Variants in ABCA12 observed in about 807,000 individuals in gnomAD.
ABCA12 encodes glucosylceramide transporter ABCA12.
Under a neutral mutation model 293.5 loss-of-function variants are expected in ABCA12, and 156 were observed. The ratio of observed to expected loss-of-function variants is 0.53; its 90% CI spans 0.47 to 0.61. The LOEUF (loss-of-function observed/expected upper bound fraction) is 0.61. Among genes scored for constraint, ABCA12 ranks in the 20% least tolerant of loss-of-function variants. The pLI, the probability that ABCA12 is intolerant of heterozygous loss-of-function variation, is 0.00. For synonymous variants in ABCA12, 1,063 were observed against 1,108.0 expected, an observed-to-expected ratio of 0.96 and a Z score of 0.81; for missense variants, 2,797 against 3,090.2, an observed-to-expected ratio of 0.91 and a Z score of 2.25.
At chr2:215,035,759 T>C (rs1339721616) in intron 8 of ABCA12, 1 of 151,938 alleles carries the variant, frequency 6.6e-6, no homozygotes, top group Non-Finnish European at 1.5e-5. Context: ...CTGAATTACA[T>C]TTTTCACCAG....
chr2:215,065,920 C>A (rs532160341), intron 2 of ABCA12, among the ~76,000 whole-genome samples: 22 of 152,144 alleles, frequency 1.4e-4, no homozygotes, highest in Admixed American at 1.2e-3. Flanking sequence ...TGAAGCCCAC[C>A]AAACTATTCA....
At chr2:214,970,970 A>G (rs1184979069) in intron 36 of ABCA12, among the ~76,000 whole-genome samples, 1 of 152,142 alleles carries the variant, frequency 6.6e-6, no homozygotes, top group Non-Finnish European at 1.5e-5. Flanking sequence ...TTTTAGATTT[A>G]CAGAAAAGTC....
intron 11 of ABCA12, among the ~76,000 whole-genome samples, chr2:215,020,417 G>A (rs898520385): frequency 6.6e-6 from 1 of 152,036 alleles, no homozygotes; most frequent in Admixed American, 6.6e-5. Context: ...AGCCAGTCTC[G>A]AAAATGAAAG....
intron 50 of ABCA12, among the ~76,000 whole-genome samples, chr2:214,942,360 G>A (rs1698433708): frequency 6.6e-6 from 1 of 152,106 alleles, no homozygotes. Flanking sequence ...ATATTCTGAA[G>A]TTTGGAGATT....
intron 13 of ABCA12, among the ~76,000 whole-genome samples, chr2:215,019,019 ATTTCATTGTTGCCCT>A (rs1181276378): frequency 6.6e-6 from 1 of 152,226 alleles, no homozygotes; most frequent in Non-Finnish European, 1.5e-5. Flanking sequence ...AAGCAAGTAA[ATTTCATTGTTGCCCT>A]TGCAGCTGAC....
intron 33 of ABCA12, among the ~76,000 whole-genome samples, chr2:214,976,793 A>AT (rs1190211228): frequency 6.6e-6 from 1 of 152,196 alleles, no homozygotes; most frequent in Admixed American, 6.5e-5. Flanking sequence ...CAGAGCAGCT[A>AT]TAGAGGCCAT....
intron 1 of ABCA12, among the ~76,000 whole-genome samples, chr2:215,134,242 GTGTATATA>G (rs1377069925): frequency 2.0e-5 from 3 of 147,870 alleles, no homozygotes; most frequent in Non-Finnish European, 4.5e-5. Flanking sequence ...ATATGTATAT[GTGTATATA>G]TGTATATATG....
chr2:215,137,501 T>C (rs1703255178), intron 1 of ABCA12, among the ~76,000 whole-genome samples: 1 of 152,198 alleles, frequency 6.6e-6, no homozygotes, highest in Non-Finnish European at 1.5e-5. Context: ...CAAACATTAA[T>C]GTAAGAGTAC....
chr2:214,961,816 G>A (rs1699120695), intron 39 of ABCA12: 1 of 152,062 alleles, frequency 6.6e-6, no homozygotes, highest in Admixed American at 6.6e-5. Context: ...ATAGGAAAAT[G>A]CCAAAGCAAT....
intron 39 of ABCA12, among the ~76,000 whole-genome samples, chr2:214,960,853 G>A (rs1382193602): frequency 6.6e-6 from 1 of 152,034 alleles, no homozygotes; most frequent in Non-Finnish European, 1.5e-5. Flanking sequence ...TGTATTTTTT[G>A]AGAAGAAAGA....
intron 1 of ABCA12, among the ~76,000 whole-genome samples, chr2:215,131,199 G>A (rs563867709): frequency 6.6e-6 from 1 of 151,860 alleles, no homozygotes; most frequent in East Asian, 1.9e-4. Flanking sequence ...TTTTGTTGTT[G>A]TTGTGTCCTT....
chr2:215,104,533 G>A lies in ABCA12; in HGVS notation c.163+7064C>T, dbSNP rs78321282. Among the ~76,000 whole-genome samples, 573 of 152,262 alleles carry A rather than the reference G, an allele frequency of 3.8e-3. 4 individuals carry two copies. Among genetic ancestry groups the A allele is most frequent in the African/African-American group, 0.013 (559 of 41,546 alleles). ...CTGTGTGCTTCAGACAGCTCTGCAC[G>A]GGACACTGGAGGAAACAGGGTCCCA... On this transcript the variant is annotated intron_variant, in intron 2 of 52. Transcript: ENST00000272895.
intron 22 of ABCA12, among the ~76,000 whole-genome samples, chr2:215,000,006 G>A (rs1361313310): frequency 1.3e-5 from 2 of 152,194 alleles, no homozygotes; most frequent in African/African-American, 4.8e-5. Flanking sequence ...ATATAGGAAG[G>A]TGAGCTTGAA....
At chr2:215,133,131 T>G (rs1280784977) in intron 1 of ABCA12, among the ~76,000 whole-genome samples, 2 of 150,380 alleles carry the variant, frequency 1.3e-5, no homozygotes, top group African/African-American at 4.9e-5. Flanking sequence ...CTTTGACTCT[T>G]TTCTCTAGCT....
At chr2:215,060,290 A>C (rs529985675) in intron 3 of ABCA12, among the ~76,000 whole-genome samples, 2 of 152,214 alleles carry the variant, frequency 1.3e-5, no homozygotes, top group East Asian at 3.9e-4. Context: ...TTCTGTATCT[A>C]TAGTGACTTG....
rs1700754384 is a variant in ABCA12, at chr2:215,026,805, T to A, written c.1180+15A>T. The A allele has an allele frequency of 5.7e-6, 9 of 1,569,028 alleles. No individual in the cohort carries two copies. The highest frequency in any genetic ancestry group is 7.9e-6 in the Non-Finnish European group (9 of 1,139,366). ...AAACCATGAGCAGCATTTTGACTGT[T>A]AAGAACAGTATTACCTGGTGAACCT... On this transcript the variant is annotated intron_variant, in intron 10 of 52. Coordinates refer to ENST00000272895, the MANE Select transcript of ABCA12 (RefSeq NM_173076.3).
chr2:214,945,784 T>C (rs1698563728), intron 48 of ABCA12, among the ~76,000 whole-genome samples: 1 of 152,158 alleles, frequency 6.6e-6, no homozygotes, highest in Non-Finnish European at 1.5e-5. Flanking sequence ...AAAATATACT[T>C]GTAACAAAGA....
chr2:215,015,673 G>T lies in ABCA12; in HGVS notation c.1783-10C>A, dbSNP rs781473736. The T allele has an allele frequency of 5.6e-6, 9 of 1,612,834 alleles. No homozygotes were observed. The Admixed American group carries it at 1.5e-4, about 27-fold the overall frequency. On this transcript the variant is annotated splice_polypyrimidine_tract_variant and intron_variant, in intron 14 of 52. Coordinates refer to ENST00000272895, the MANE Select transcript of ABCA12 (RefSeq NM_173076.3). ...ACACCTGAGAAATAATCTGCAAATG[G>T]AGGAAGAAAAATATTTCAACTGTGA...
At position 214,958,367 on chromosome 2, in the gene ABCA12, T is replaced by C. The variant is rs781543510; in HGVS notation, c.6027A>G (p.Val2009=). ...GTTTGGCTTTGGTTTGATGTTCCCTTACAACATAGGTGACAAAGCTGGCGG... is the reference window on the plus strand; with the variant it reads ...GTTTGGCTTTGGTTTGATGTTCCCTCACAACATAGGTGACAAAGCTGGCGG... ...VTTASFVTYV[V]REHQTKAKQL... The change falls in exon 41 of 53, where the codon GTA becomes GTG. Residue 2009 remains valine, a synonymous_variant. Coordinates refer to ENST00000272895, the MANE Select transcript of ABCA12 (RefSeq NM_173076.3). 11 of 1,614,014 alleles carry C rather than the reference T, an allele frequency of 6.8e-6. No individual in the cohort carries two copies. Among genetic ancestry groups the C allele is most frequent in the Non-Finnish European group, 9.3e-6 (11 of 1,179,930 alleles).
Sources: gnomAD v4.1 joint callset for allele counts (sites outside exome capture counted in the v4.1 genomes callset) on GRCh38, gnomAD v4.1.1 for gene constraint, MANE v1.5 for transcripts, NCBI Gene and HGNC (gene_info 2026-07-23, HGNC 2026-07-21) for gene names.